Variants in TNS1 observed in about 807,000 individuals in gnomAD.
TNS1 encodes the protein tensin-1.
TNS1 carries 62 observed loss-of-function variants against 168.6 expected under a neutral mutation model. The ratio of observed to expected loss-of-function variants is 0.37; its 90% confidence interval spans 0.30 to 0.45. The LOEUF is 0.45. Ranked by LOEUF, TNS1 falls within the 20% of genes least tolerant of loss-of-function variation. The pLI, the probability that TNS1 is intolerant of heterozygous loss-of-function variation, is 1.00. For synonymous variants in TNS1, 934 were observed against 933.2 expected (o/e 1.00, Z -0.02); for missense variants, 2,240 against 2,339.4 (o/e 0.96, Z 0.88).
chr2:217,849,924 C>G, intron 18 of TNS1: 1 of 985,398 alleles, frequency 1.0e-6, no homozygotes, highest in Non-Finnish European at 1.2e-6. Flanking sequence ...CAAGCTTGCC[C>G]TCAGCTAGAT....
chr2:217,849,152 A>T, intron 18 of TNS1, 65 bp from the exon 19 acceptor site: 1 of 1,535,764 alleles, frequency 6.5e-7, no homozygotes, highest in Non-Finnish European at 8.8e-7. Context: ...CAGGGGTATC[A>T]TCCACTCTGC....
In TNS1 at chr2:217,882,387, T is replaced by G. The variant is rs1950765293; in HGVS notation, c.1271A>C (p.Lys424Thr). The G allele has an allele frequency of 6.2e-7, 1 of 1,606,184 alleles. No individual in the cohort carries two copies. The highest frequency in any genetic ancestry group is 8.5e-7 in the Non-Finnish European group (1 of 1,178,044). The stretch of plus-strand genomic sequence containing the variant: ...CCCATAAGAAAATACAAACTCCACT[T>G]TGCCATACTCTGGAAATCGATCATC... ...FKDDRFPEYG[K>T]VEFVFSYGPE... The change falls in exon 17 of 33, where the codon AAA becomes ACA. Residue 424 changes from lysine to threonine, a missense_variant. By Grantham distance (78) the Lys-to-Thr change is moderately conservative. Coordinates refer to ENST00000682258, the MANE Select transcript of TNS1 (RefSeq NM_001387777.1).
chr2:217,978,398 C>A (rs1957946275), intron 3 of TNS1, among the ~76,000 whole-genome samples: 1 of 152,088 alleles, frequency 6.6e-6, no homozygotes, highest in South Asian at 2.1e-4. Context: ...GTGCGCGGCC[C>A]GGGGTAATTG....
rs139157372 is a variant in TNS1, at chr2:217,853,768, C to T, written c.1430-4681G>A. ...CCAGGGCAGCCATAATCCAGATGCA[C>T]GAGTCATGCTTTTGGAAAGCTCTGA... On this transcript the variant is annotated intron_variant, in intron 18 of 32. Transcript: ENST00000682258. Among the ~76,000 whole-genome samples, 412 of 152,266 alleles carry T rather than the reference C, an allele frequency of 2.7e-3. 1 individual carries two copies. Among genetic ancestry groups the T allele is most frequent in the Non-Finnish European group, 4.3e-3 (295 of 68,030 alleles).
At chr2:217,885,289 C>G in intron 15 of TNS1, 125 bp from the exon 16 acceptor site, 1 of 1,307,528 alleles carries the variant, frequency 7.6e-7, no homozygotes, top group Non-Finnish European at 1.0e-6. Flanking sequence ...TGAGGGAGAG[C>G]TCATCAACAC....
chr2:217,893,035 A>G lies in TNS1; in HGVS notation c.718-23T>C, dbSNP rs1559313158. 4 of 1,613,736 alleles carry G rather than the reference A, an allele frequency of 2.5e-6. No individual in the cohort carries two copies. In the South Asian group the frequency reaches 3.3e-5, roughly 13 times the overall value. On this transcript the variant is annotated intron_variant, in intron 10 of 32. Coordinates refer to ENST00000682258, the MANE Select transcript of TNS1 (RefSeq NM_001387777.1). ...TCCCTGAAAGAGCCCCAAACACAAA[A>G]TCATTTATTTCTAAGGCCAGCCTTG...
intron 1 of TNS1, among the ~76,000 whole-genome samples, chr2:218,022,584 G>T (rs1958815064): frequency 6.6e-6 from 1 of 151,970 alleles, no homozygotes; most frequent in South Asian, 2.1e-4. Flanking sequence ...CCCCTGCCTG[G>T]CCTTGGGAGC....
chr2:217,821,909 G>A lies in TNS1; in HGVS notation c.3403C>T (p.Arg1135Trp), dbSNP rs370481778. The A allele has an allele frequency of 4.7e-5, 74 of 1,588,490 alleles. No homozygotes were observed. The highest frequency in any genetic ancestry group is 3.6e-4 in the Admixed American group (20 of 56,008). Reference sequence around the variant, plus strand: ...GCTCGGGGTCCAGCCACCGCTGTCCGTGCCACAGACTCCACATAGCTCCGG... The same window carrying A: ...GCTCGGGGTCCAGCCACCGCTGTCCATGCCACAGACTCCACATAGCTCCGG... ...EPRSYVESVA[R>W]TAVAGPRAQD... The change falls in exon 23 of 33, where the codon CGG becomes TGG. Residue 1135 changes from arginine (R) to tryptophan (W), a missense_variant. Coordinates refer to ENST00000682258, the MANE Select transcript of TNS1 (RefSeq NM_001387777.1).
intron 4 of TNS1, among the ~76,000 whole-genome samples, chr2:217,908,464 G>A (rs1953960048): frequency 6.6e-6 from 1 of 152,164 alleles, no homozygotes; most frequent in Non-Finnish European, 1.5e-5. Flanking sequence ...TGTGACCCAG[G>A]TTTAAGACCA....
At chr2:218,007,957 G>C (rs1422293302), upstream of TNS1, among the ~76,000 whole-genome samples, 1 of 152,126 alleles carries the variant, frequency 6.6e-6, no homozygotes, top group African/African-American at 2.4e-5. Context: ...GGGAGGCCCT[G>C]CCCTCAGCCT....
At chr2:217,918,761 C>T (rs1456701408) in intron 4 of TNS1, among the ~76,000 whole-genome samples, 5 of 152,016 alleles carry the variant, frequency 3.3e-5, no homozygotes, top group African/African-American at 7.2e-5. Context: ...CCCGCCCGCC[C>T]TCCTCGGACT....
intron 11 of TNS1, 39 bp from the exon 12 acceptor site, chr2:217,891,084 G>A (rs1430811963): frequency 6.2e-7 from 1 of 1,605,170 alleles, no homozygotes; most frequent in Non-Finnish European, 8.5e-7. Context: ...GGCAACTCCT[G>A]CATCCAAGAG....
intron 3 of TNS1, among the ~76,000 whole-genome samples, chr2:217,962,091 C>A (rs1005844345): frequency 4.6e-5 from 7 of 152,224 alleles, no homozygotes; most frequent in African/African-American, 1.7e-4. Context: ...CAATAAATTT[C>A]TTAATATGGG....
chr2:218,013,298 G>A (rs1275720203), upstream of TNS1, among the ~76,000 whole-genome samples: 1 of 150,372 alleles, frequency 6.7e-6, no homozygotes, highest in African/African-American at 2.4e-5. Flanking sequence ...CACCTGGTAG[G>A]TGCTCAGTCC....
At chr2:217,889,460 A>C (rs1951531486) in intron 12 of TNS1, among the ~76,000 whole-genome samples, 1 of 152,214 alleles carries the variant, frequency 6.6e-6, no homozygotes, top group African/African-American at 2.4e-5. Flanking sequence ...CTAAAAAGGC[A>C]AATAGGATGC....
At chr2:217,943,212 G>C (rs1245112748) in intron 3 of TNS1, among the ~76,000 whole-genome samples, 2 of 152,278 alleles carry the variant, frequency 1.3e-5, no homozygotes, top group East Asian at 3.9e-4. Context: ...GGGCACTTCT[G>C]CCAGTCTGTG....
intron 18 of TNS1, among the ~76,000 whole-genome samples, chr2:217,877,419 T>TA (rs1950292719): frequency 6.6e-6 from 1 of 152,232 alleles, no homozygotes; most frequent in Non-Finnish European, 1.5e-5. Flanking sequence ...ACAAGATTGC[T>TA]AACCTCTGCC....
chr2:217,866,388 C>T (rs911230234), intron 18 of TNS1, among the ~76,000 whole-genome samples: 1 of 152,174 alleles, frequency 6.6e-6, no homozygotes, highest in African/African-American at 2.4e-5. Flanking sequence ...AGCCCCTGGA[C>T]TTGGCAGGCC....
upstream of TNS1, among the ~76,000 whole-genome samples, chr2:218,005,128 CCA>C (rs1412646937): frequency 6.6e-6 from 1 of 152,348 alleles, no homozygotes; most frequent in South Asian, 2.1e-4. Flanking sequence ...ATCCCAGTGC[CCA>C]CTCACACCAA....
Sources: gnomAD v4.1 joint callset for allele counts (sites outside exome capture counted in the v4.1 genomes callset) on GRCh38, gnomAD v4.1.1 for gene constraint, MANE v1.5 for transcripts, NCBI Gene and HGNC (gene_info 2026-07-23, HGNC 2026-07-21) for gene names.